Variants in IKBIP observed in about 807,000 individuals in gnomAD.
IKBIP encodes the protein IKBKB interacting protein.
In IKBIP, 28 loss-of-function variants were observed where a neutral mutation model predicts 31.0. The observed-to-expected ratio is 0.90, with a 90% confidence interval of 0.67 to 1.24. The LOEUF is 1.24. IKBIP is among the 50% of genes most tolerant of loss of function. The pLI, the probability that IKBIP is intolerant of heterozygous loss-of-function variation, is 0.00. For synonymous variants in IKBIP, 164 were observed against 160.3 expected (o/e 1.02, Z -0.17); for missense variants, 453 against 441.9 (o/e 1.03, Z -0.23).
chr12:98,615,910 G>T (rs2097606018), intron 2 of IKBIP, among the ~76,000 whole-genome samples: 1 of 151,876 alleles, frequency 6.6e-6, no homozygotes, highest in East Asian at 1.9e-4. Flanking sequence ...TTGACACTTA[G>T]GTTGATTCTA....
In IKBIP at chr12:98,626,003, T is replaced by C; in HGVS notation, c.1061A>G (p.Tyr354Cys). 2 of 1,534,436 alleles carry C rather than the reference T, an allele frequency of 1.3e-6. No homozygotes were observed. Among genetic ancestry groups the C allele is most frequent in the Non-Finnish European group, 1.8e-6 (2 of 1,135,430 alleles). Residue 354 changes from tyrosine to cysteine, a missense_variant, in exon 3 of 3, where the codon TAC becomes TGC. Tyr to Cys is a radical substitution (Grantham distance 194, BLOSUM62 -2). Coordinates refer to ENST00000299157, the MANE Select transcript of IKBIP (RefSeq NM_153687.4). ...AGTTCCCTTTTCTCCTGTACTTGAG[T>C]ATGCTATAAAATCATGAACTTTTTC... Reference protein sequence around the residue: ...LKEKVHDFIAYSSTGEKGTLK... With the variant: ...LKEKVHDFIACSSTGEKGTLK...
At position 98,626,497 on chromosome 12, in the gene IKBIP, G is replaced by A; in HGVS notation, c.567C>T (p.Asn189=). The change falls in exon 3 of 3, where the codon AAC becomes AAT. Residue 189 remains asparagine (N), a synonymous_variant. Coordinates refer to ENST00000299157, the MANE Select transcript of IKBIP (RefSeq NM_153687.4). Reference sequence around the variant, plus strand: ...GCAATTTTATTTCCTGCTCAGCTGAGTTAATTTGGACAGTTACTTGAGAAT... The same window carrying A: ...GCAATTTTATTTCCTGCTCAGCTGAATTAATTTGGACAGTTACTTGAGAAT... ...HIHSQVTVQI[N]SAEQEIKLLT... is the part of the protein sequence containing the mutation. The A allele has an allele frequency of 1.2e-6, 2 of 1,613,516 alleles. No individual in the cohort carries two copies. The highest frequency in any genetic ancestry group is 8.5e-7 in the Non-Finnish European group (1 of 1,179,996).
At chr12:98,619,873 GAAAAA>G (rs562387976), downstream of IKBIP, among the ~76,000 whole-genome samples, 1 of 68,992 alleles carries the variant, frequency 1.4e-5, no homozygotes, top group South Asian at 5.0e-4. Context: ...CCCTTTCTCA[GAAAAA>G]AAAAAAAAAA....
chr12:98,617,150 T>C (rs1483444742), intron 2 of IKBIP, among the ~76,000 whole-genome samples: 1 of 152,212 alleles, frequency 6.6e-6, no homozygotes, highest in East Asian at 1.9e-4. Flanking sequence ...ATGCAAAATA[T>C]GTGGAACATA....
At chr12:98,622,162 T>C (rs1002469642), downstream of IKBIP, among the ~76,000 whole-genome samples, 1 of 151,868 alleles carries the variant, frequency 6.6e-6, no homozygotes, top group Admixed American at 6.6e-5. Context: ...TTTTAACAGG[T>C]GCTGAAGTGT....
chr12:98,632,706 C>T (rs1467460720), intron 2 of IKBIP, among the ~76,000 whole-genome samples: 1 of 144,734 alleles, frequency 6.9e-6, no homozygotes, highest in East Asian at 2.1e-4. Flanking sequence ...ACTTCTGAAA[C>T]CTCTGCCTCC....
At chr12:98,644,325 G>T (rs1411166480) in intron 1 of IKBIP, among the ~76,000 whole-genome samples, 198 bp downstream of exon 1, 1 of 152,208 alleles carries the variant, frequency 6.6e-6, no homozygotes, top group Non-Finnish European at 1.5e-5. Context: ...TACCAGCACG[G>T]GGGGAAATGA....
intron 2 of IKBIP, among the ~76,000 whole-genome samples, chr12:98,618,563 T>C (rs1214830509): frequency 6.6e-6 from 1 of 151,714 alleles, no homozygotes; most frequent in Non-Finnish European, 1.5e-5. Flanking sequence ...GAGGCGGAGC[T>C]TGCAGTGAGC....
At chr12:98,617,303 T>C (rs1435932378) in intron 2 of IKBIP, among the ~76,000 whole-genome samples, 1 of 152,230 alleles carries the variant, frequency 6.6e-6, no homozygotes, top group African/African-American at 2.4e-5. Context: ...ATGTCATCCT[T>C]CTTCCCCACT....
rs1389698979 is a variant in IKBIP at position 98,624,608 on chromosome 12, CAAG to C, written c.*1319_*1321del. On this transcript the variant is annotated 3_prime_UTR_variant, in exon 3 of 3. Transcript: ENST00000299157. ...ACTGGTAAGGTTATTGACAAAGAAA[CAAG>C]AACAAACTTCCATATTGCAGTTGAC... is the stretch of plus-strand genomic sequence containing the variant. 2 of 905,746 alleles carry C rather than the reference CAAG, an allele frequency of 2.2e-6. No individual in the cohort carries two copies. The highest frequency in any genetic ancestry group is 3.6e-5 in the African/African-American group (2 of 55,520). 56.1% of individuals were successfully genotyped at this position (905,746 alleles called of 1,614,324 possible).
chr12:98,620,093 A>ATT (rs772601870), downstream of IKBIP, among the ~76,000 whole-genome samples: 335 of 95,038 alleles, frequency 3.5e-3, 3 homozygotes, highest in African/African-American at 0.013. Flanking sequence ...TAAGTTTTCT[A>ATT]TTTTTTTTTT....
At chr12:98,614,316 C>T in exon 3 of IKBIP, 3 of 1,571,726 alleles carry the variant, frequency 1.9e-6, no homozygotes, top group Admixed American at 3.7e-5. Context: ...TTCAATTGTT[C>T]CATGATAGCT....
chr12:98,630,276 T>C (rs2097618709), intron 2 of IKBIP, among the ~76,000 whole-genome samples: 3 of 148,766 alleles, frequency 2.0e-5, no homozygotes, highest in Non-Finnish European at 1.5e-5. Flanking sequence ...TCCCAGCTAC[T>C]TGGGAGGCTG....
intron 2 of IKBIP, among the ~76,000 whole-genome samples, chr12:98,629,576 C>T (rs946183438): frequency 2.0e-5 from 3 of 152,098 alleles, no homozygotes; most frequent in Non-Finnish European, 4.4e-5. Flanking sequence ...CATACATACA[C>T]ACACACACAT....
chr12:98,621,199 A>G (rs886264231), downstream of IKBIP, among the ~76,000 whole-genome samples: 7 of 152,268 alleles, frequency 4.6e-5, no homozygotes, highest in East Asian at 1.4e-3. Flanking sequence ...TAGTGAACCA[A>G]GATTGTGCCA....
chr12:98,618,067 AAAG>A (rs1434310913), intron 2 of IKBIP, among the ~76,000 whole-genome samples: 3 of 152,156 alleles, frequency 2.0e-5, no homozygotes, highest in Non-Finnish European at 4.4e-5. Flanking sequence ...AAAATTCAGA[AAAG>A]AAGAAATAAA....
chr12:98,642,485 T>C (rs767639933), intron 1 of IKBIP, among the ~76,000 whole-genome samples: 11 of 150,572 alleles, frequency 7.3e-5, no homozygotes, highest in Admixed American at 4.0e-4. Flanking sequence ...TTAAAGGAGG[T>C]CAAGCATTTT....
intron 1 of IKBIP, among the ~76,000 whole-genome samples, chr12:98,640,417 G>A (rs2097629397): frequency 6.6e-6 from 1 of 151,620 alleles, no homozygotes; most frequent in African/African-American, 2.4e-5. Context: ...TCCAGCCTGG[G>A]CAACAAGAGC....
At chr12:98,621,427 T>C (rs888524373), downstream of IKBIP, among the ~76,000 whole-genome samples, 1 of 152,222 alleles carries the variant, frequency 6.6e-6, no homozygotes, top group Non-Finnish European at 1.5e-5. Context: ...GGCCAAACAA[T>C]TTTAGAGCAC....
Sources: allele counts gnomAD v4.1 joint callset (sites outside exome capture counted in the v4.1 genomes callset), GRCh38; gene constraint gnomAD v4.1.1; transcripts MANE v1.5; gene names NCBI Gene and HGNC (gene_info 2026-07-23, HGNC 2026-07-21).